Variants in ULK4 observed in about 807,000 individuals in gnomAD.
The protein encoded by ULK4 is inactive serine/threonine-protein kinase ULK4.
In ULK4, 133 loss-of-function variants were observed where a neutral mutation model predicts 160.6. That is an observed-to-expected ratio of 0.83 (90% CI 0.72 to 0.96). The LOEUF (loss-of-function observed/expected upper bound fraction) is 0.96. Among genes scored for constraint, ULK4 ranks in the 40% least tolerant of loss-of-function variants. The probability of loss-of-function intolerance (pLI) is 0.00; values close to 1 mark genes in which losing one functional copy is unlikely to be tolerated. For synonymous variants in ULK4, 534 were observed against 539.8 expected, an observed-to-expected ratio of 0.99 and a Z score of 0.15; for missense variants, 1,580 against 1,499.5, an observed-to-expected ratio of 1.05 and a Z score of -0.89.
At chr3:41,255,188 T>A (rs1370302711) in intron 35 of ULK4, among the ~76,000 whole-genome samples, 3 of 148,748 alleles carry the variant, frequency 2.0e-5, no homozygotes, top group African/African-American at 7.6e-5. Flanking sequence ...ATTTTAAATA[T>A]AAGGGCACCA....
chr3:41,733,694 C>A (rs1575622001), intron 22 of ULK4, among the ~76,000 whole-genome samples: 1 of 145,532 alleles, frequency 6.9e-6, no homozygotes, highest in Non-Finnish European at 1.5e-5. Flanking sequence ...TTCATATAAT[C>A]AAGATTGCCT....
In ULK4 at chr3:41,875,965, C is replaced by CA. The variant is rs1221477204; in HGVS notation, c.1656+7908dup. On this transcript the variant is annotated intron_variant, in intron 17 of 36. Coordinates refer to ENST00000301831, the MANE Select transcript of ULK4 (RefSeq NM_017886.4). Reference sequence around the variant, plus strand: ...AGTATCACCTATGATATGTTCTTACCAAAAAAAAAAAAAAAAGGTTCAACC... The same window carrying CA: ...AGTATCACCTATGATATGTTCTTACCAAAAAAAAAAAAAAAAAGGTTCAACC... 3.8e-3 allele frequency among the ~76,000 whole-genome samples: 260 copies of CA among 68,442 alleles called. 1 individual carries two copies. Among genetic ancestry groups the CA allele is most frequent in the South Asian group, 0.013 (25 of 1,984 alleles). 44.9% of individuals were successfully genotyped at this position (68,442 alleles called of 152,430 possible). A position where few individuals can be genotyped will look rare whatever the true frequency, so the allele number is the denominator to read the frequency against.
chr3:41,588,969 T>G lies in ULK4; in HGVS notation c.3121-22839A>C, dbSNP rs114288242. ...CTAGTGTTGTTGATGTTCAGCCACA[T>G]GGTCCCTGCCTTTTGTTATTAACAT... On this transcript the variant is annotated intron_variant, in intron 31 of 36. Transcript: ENST00000301831. Among the ~76,000 whole-genome samples, 224 of 152,306 alleles carry G rather than the reference T, an allele frequency of 1.5e-3. 1 individual carries two copies. The highest frequency in any genetic ancestry group is 5.1e-3 in the African/African-American group (210 of 41,578).
intron 31 of ULK4, among the ~76,000 whole-genome samples, chr3:41,591,821 G>C (rs1330861103): frequency 6.6e-6 from 1 of 152,172 alleles, no homozygotes; most frequent in Non-Finnish European, 1.5e-5. Flanking sequence ...CAGTTCATGT[G>C]AGCTATTAAA....
chr3:41,585,998 A>C (rs1047576226), intron 31 of ULK4, among the ~76,000 whole-genome samples: 1 of 152,206 alleles, frequency 6.6e-6, no homozygotes, highest in African/African-American at 2.4e-5. Flanking sequence ...TATAAAAAAA[A>C]CACAAATGGT....
intron 31 of ULK4, among the ~76,000 whole-genome samples, chr3:41,584,150 T>C (rs544847018): frequency 6.6e-6 from 1 of 152,154 alleles, no homozygotes; most frequent in South Asian, 2.1e-4. Context: ...GAGAAGAGAT[T>C]GGGAGAAGAT....
At position 41,450,149 on chromosome 3, in the gene ULK4, G is replaced by C. The variant is rs1351642606; in HGVS notation, c.3492+5348C>G. Among the ~76,000 whole-genome samples, 21 of 151,790 alleles carry C rather than the reference G, an allele frequency of 1.4e-4. 1 individual carries two copies. Among genetic ancestry groups the C allele is most frequent in the Admixed American group, 1.4e-3 (21 of 15,222 alleles). ...ACTATCTAGTTTAAAAACTTATCTA[G>C]AATATATACTTTGGCTTCTCATTTT... On this transcript the variant is annotated intron_variant, in intron 34 of 36. Transcript: ENST00000301831.
rs1330447750 is a variant in ULK4, at chr3:41,865,270, TTAAAAAAAAAAA to T, written c.1656+18592_1656+18603del. 6.2e-4 allele frequency among the ~76,000 whole-genome samples: 41 copies of T among 65,624 alleles called. 1 individual carries two copies. The highest frequency in any genetic ancestry group is 1.9e-3 in the African/African-American group (31 of 16,038). 43.1% of individuals were successfully genotyped at this position (65,624 alleles called of 152,430 possible). ...TGGGCAACAGAGCAAGACTCTGTCT[TTAAAAAAAAAAA>T]AAAAAAAAAAAAAAAAAAAAAAAGC... On this transcript the variant is annotated intron_variant, in intron 17 of 36. Transcript: ENST00000301831.
At chr3:41,368,285 G>A (rs749717255) in intron 35 of ULK4, among the ~76,000 whole-genome samples, 4 of 151,878 alleles carry the variant, frequency 2.6e-5, no homozygotes, top group East Asian at 1.9e-4. Flanking sequence ...TCCTGACCTC[G>A]TGATCCACCC....
intron 29 of ULK4, among the ~76,000 whole-genome samples, chr3:41,667,181 C>A (rs1188293775): frequency 2.7e-5 from 4 of 150,178 alleles, no homozygotes; most frequent in East Asian, 2.0e-4. Flanking sequence ...AACACACACA[C>A]AAAAAAAACA....
chr3:41,504,757 T>C (rs934656390), intron 32 of ULK4, among the ~76,000 whole-genome samples: 4 of 152,236 alleles, frequency 2.6e-5, no homozygotes, highest in African/African-American at 4.8e-5. Context: ...GGTCTATATA[T>C]ATAAACTGTA....
chr3:41,800,428 T>C (rs1023101990), intron 19 of ULK4, 135 bp from the exon 20 acceptor site: 8 of 756,692 alleles, frequency 1.1e-5, no homozygotes, highest in Non-Finnish European at 1.7e-5. Context: ...TTGGGAGGAA[T>C]GATAACTCTT....
intron 32 of ULK4, among the ~76,000 whole-genome samples, chr3:41,537,891 C>T (rs758598463): frequency 6.6e-6 from 1 of 151,152 alleles, no homozygotes. Context: ...ACTCACTTCT[C>T]TTCCTTACTA....
intron 17 of ULK4, among the ~76,000 whole-genome samples, chr3:41,842,930 C>A (rs971826942): frequency 5.3e-5 from 8 of 152,170 alleles, no homozygotes; most frequent in Admixed American, 3.9e-4. Context: ...GGAGAAAAGT[C>A]AACTTTTTCA....
At chr3:41,906,726 G>C (rs1698576435) in intron 12 of ULK4, among the ~76,000 whole-genome samples, 1 of 152,208 alleles carries the variant, frequency 6.6e-6, no homozygotes, top group African/African-American at 2.4e-5. Context: ...CGGGCACGGT[G>C]GCTCACGCCT....
At chr3:41,653,805 C>T (rs2034835922) in intron 30 of ULK4, among the ~76,000 whole-genome samples, 1 of 152,196 alleles carries the variant, frequency 6.6e-6, no homozygotes, top group African/African-American at 2.4e-5. Flanking sequence ...CCATATGGGT[C>T]ACAGTTTGCC....
chr3:41,936,843 A>ATTCATTGTT (rs1364772344), intron 3 of ULK4, among the ~76,000 whole-genome samples: 1 of 152,214 alleles, frequency 6.6e-6, no homozygotes, highest in Admixed American at 6.5e-5. Flanking sequence ...AATAAAAACT[A>ATTCATTGTT]GTATTTGATA....
rs1396283386 is a variant in ULK4, at chr3:41,828,876, C to A, written c.1764+6988G>T. On this transcript the variant is annotated intron_variant, in intron 18 of 36. Transcript: ENST00000301831. Reference sequence around the variant, plus strand: ...CAAAAGAACAAAGCTGGAGGCATCACGCTACCTGACTTCAAACTATACTAC... The same window carrying A: ...CAAAAGAACAAAGCTGGAGGCATCAAGCTACCTGACTTCAAACTATACTAC... Among the ~76,000 whole-genome samples the A allele has an allele frequency of 2.6e-5, 4 of 151,980 alleles. No homozygotes were observed. The East Asian group carries it at 7.7e-4, about 29-fold the overall frequency.
intron 32 of ULK4, among the ~76,000 whole-genome samples, chr3:41,513,422 G>C (rs975421353): frequency 2.0e-5 from 3 of 152,224 alleles, no homozygotes; most frequent in African/African-American, 7.2e-5. Flanking sequence ...CGGATCATGA[G>C]GTCAAGAGAT....
Sources: gnomAD v4.1 joint callset for allele counts (sites outside exome capture counted in the v4.1 genomes callset) on GRCh38, gnomAD v4.1.1 for gene constraint, MANE v1.5 for transcripts, NCBI Gene and HGNC (gene_info 2026-07-23, HGNC 2026-07-21) for gene names.